Variants in ETNK1 observed in about 807,000 individuals in gnomAD.
ETNK1 encodes putative protein product of Nbla10396.
Under a neutral mutation model 45.1 loss-of-function variants are expected in ETNK1, and 8 were observed. That is an observed-to-expected ratio of 0.18 (90% confidence interval 0.10 to 0.32). The LOEUF (loss-of-function observed/expected upper bound fraction) is 0.32, where lower values mean the gene tolerates loss of function less well. Among genes scored for constraint, ETNK1 ranks in the 10% least tolerant of loss-of-function variants. The probability of loss-of-function intolerance (pLI) is 1.00; values close to 1 mark genes in which losing one functional copy is unlikely to be tolerated. For missense variants in ETNK1, 302 were observed against 430.6 expected (o/e 0.70, Z 2.64); for synonymous variants, 152 against 151.9 (o/e 1.00, Z -0.01).
Position 22,688,756 on chromosome 12 carries a change from A to T in ETNK1, c.*3802A>T, listed in dbSNP as rs919227252. 2 of 152,156 alleles carry T rather than the reference A, an allele frequency of 1.3e-5. No homozygotes were observed. The highest frequency in any genetic ancestry group is 3.0e-5 in the Non-Finnish European group (2 of 67,772). The allele number at this position is 152,156 out of a possible 1,614,324, so 9.4% of individuals were successfully genotyped here. A position where few individuals can be genotyped will look rare whatever the true frequency, so the allele number is the denominator to read the frequency against. ...GGAAAAATCATTTTAAGTATGTGGT[A>T]AAGCAGCTTCATCTTTCAAAATTGA... is the stretch of plus-strand genomic sequence containing the variant. On this transcript the variant is annotated 3_prime_UTR_variant, in exon 8 of 8. Transcript: ENST00000266517.
Position 22,685,025 on chromosome 12 carries a change from C to T in ETNK1, c.*71C>T. 2 of 1,086,304 alleles carry T rather than the reference C, an allele frequency of 1.8e-6. No homozygotes were observed. Among genetic ancestry groups the T allele is most frequent in the Admixed American group, 4.9e-5 (2 of 40,560 alleles). 67.3% of individuals were successfully genotyped at this position (1,086,304 alleles called of 1,614,324 possible). On this transcript the variant is annotated 3_prime_UTR_variant, in exon 8 of 8. Coordinates refer to ENST00000266517, the MANE Select transcript of ETNK1 (RefSeq NM_018638.5). ...TCTTTTCTTAAGAAATCCCAAAAAG[C>T]CAATATTAGTTAAAATTCTGTTGTT...
At chr12:22,652,510 C>A (rs1266620202) in intron 2 of ETNK1, among the ~76,000 whole-genome samples, 1 of 152,134 alleles carries the variant, frequency 6.6e-6, no homozygotes, top group East Asian at 1.9e-4. Context: ...TACATTCTTA[C>A]CAATAGTTAT....
intron 2 of ETNK1, among the ~76,000 whole-genome samples, chr12:22,655,708 A>G (rs917241852): frequency 6.6e-6 from 1 of 152,158 alleles, no homozygotes; most frequent in African/African-American, 2.4e-5. Context: ...GTTTAAATAG[A>G]TCAAATTTTT....
intron 3 of ETNK1, among the ~76,000 whole-genome samples, chr12:22,660,592 T>A (rs1953989766): frequency 6.6e-6 from 1 of 152,166 alleles, no homozygotes. Flanking sequence ...TTTTGACTTT[T>A]CTGAGAATTT....
At chr12:22,646,450 T>A (rs1953808122) in intron 2 of ETNK1, among the ~76,000 whole-genome samples, 1 of 151,830 alleles carries the variant, frequency 6.6e-6, no homozygotes, top group African/African-American at 2.4e-5. Context: ...TTTAGCCCCT[T>A]TTAAATGAAT....
chr12:22,676,783 A>G (rs1307872507), intron 6 of ETNK1, among the ~76,000 whole-genome samples: 2 of 151,558 alleles, frequency 1.3e-5, no homozygotes, highest in East Asian at 1.9e-4. Flanking sequence ...GCTTTTTTTC[A>G]TATGTTTGTT....
intron 1 of ETNK1, among the ~76,000 whole-genome samples, chr12:22,634,732 A>G (rs1006214101): frequency 9.9e-5 from 15 of 151,838 alleles, no homozygotes; most frequent in Non-Finnish European, 1.6e-4. Context: ...TTATTTATTT[A>G]TTTGTACAGA....
rs143697217 is a variant in ETNK1 at position 22,639,538 on chromosome 12, A to G, written c.157-4225A>G. On this transcript the variant is annotated intron_variant, in intron 1 of 7. Coordinates refer to ENST00000266517, the MANE Select transcript of ETNK1 (RefSeq NM_018638.5). ...CTAAAAATACAAAAATTAGCCAGAC[A>G]TAGTGGCAGGCACCTGTAATCCCAG... Among the ~76,000 whole-genome samples, 754 of 152,204 alleles carry G rather than the reference A, an allele frequency of 5.0e-3. 6 individuals carry two copies. The highest frequency in any genetic ancestry group is 0.02 in the East Asian group (103 of 5,170).
chr12:22,661,960 T>C (rs1592130346), intron 4 of ETNK1, among the ~76,000 whole-genome samples: 1 of 152,220 alleles, frequency 6.6e-6, no homozygotes, highest in East Asian at 1.9e-4. Context: ...CAATGCTAAA[T>C]TGAAATTTAA....
In ETNK1 at chr12:22,651,362, A is replaced by G. The variant is rs1186792003; in HGVS notation, c.416+7340A>G. Among the ~76,000 whole-genome samples, 4 of 152,342 alleles carry G rather than the reference A, an allele frequency of 2.6e-5. No homozygotes were observed. The East Asian group carries it at 7.7e-4, about 29-fold the overall frequency. ...TCCGTTGTGAACATACCTGACTTCC[A>G]GGTAGCCCTTTTCTACTGGCACAGC... On this transcript the variant is annotated intron_variant, in intron 2 of 7. Transcript: ENST00000266517.
intron 1 of ETNK1, chr12:22,626,011 C>T (rs1490427624): frequency 1.0e-5 from 4 of 389,070 alleles, no homozygotes; most frequent in East Asian, 6.9e-5. Context: ...TCTCCCCTCC[C>T]CCTGCGATGT....
At chr12:22,658,303 C>T (rs765970738) in intron 2 of ETNK1, among the ~76,000 whole-genome samples, 3 of 152,022 alleles carry the variant, frequency 2.0e-5, no homozygotes, top group Non-Finnish European at 4.4e-5. Flanking sequence ...GCGTGGGACT[C>T]CAATCTAGTT....
chr12:22,684,571 AT>A lies in ETNK1; in HGVS notation c.1019+17del. 6.7e-7 allele frequency: 1 copy of A among 1,496,588 alleles called. No homozygotes were observed. The highest frequency in any genetic ancestry group is 9.3e-7 in the Non-Finnish European group (1 of 1,077,200). The allele number at this position is 1,496,588 out of a possible 1,614,324, so 92.7% of individuals were successfully genotyped here. ...GATTTCCTTGGGTAAGTTAAATTTT[AT>A]TATATGATTACATTGGTCTCTGCTT... On this transcript the variant is annotated intron_variant, in intron 7 of 7. Coordinates refer to ENST00000266517, the MANE Select transcript of ETNK1 (RefSeq NM_018638.5).
At chr12:22,681,638 A>G (rs900983249) in intron 6 of ETNK1, among the ~76,000 whole-genome samples, 6 of 151,890 alleles carry the variant, frequency 4.0e-5, no homozygotes, top group Non-Finnish European at 8.8e-5. Context: ...AAGTATATAT[A>G]TATATTTAAA....
At chr12:22,681,035 T>TA (rs1954210488) in intron 6 of ETNK1, among the ~76,000 whole-genome samples, 1 of 152,136 alleles carries the variant, frequency 6.6e-6, no homozygotes, top group African/African-American at 2.4e-5. Context: ...TACATATCCA[T>TA]AACTTCCAAA....
rs3983448 is a variant in ETNK1 at position 22,686,851 on chromosome 12, ATTTTTTTTTTTT to A, written c.*1914_*1925del. 2.9e-5 allele frequency: 2 copies of A among 69,262 alleles called. No homozygotes were observed. The highest frequency in any genetic ancestry group is 2.8e-5 in the Non-Finnish European group (1 of 36,074). The allele number at this position is 69,262 out of a possible 1,614,324, so 4.3% of individuals were successfully genotyped here. On this transcript the variant is annotated 3_prime_UTR_variant, in exon 8 of 8. Transcript: ENST00000266517. ...AGATAAAGAATGTGTAATACTCTTA[ATTTTTTTTTTTT>A]TTTTTTTTTTTTTTTTGCTTTCTGC... is the stretch of plus-strand genomic sequence containing the variant.
chr12:22,680,628 G>A (rs1265724284), intron 6 of ETNK1, among the ~76,000 whole-genome samples: 1 of 152,138 alleles, frequency 6.6e-6, no homozygotes, highest in Non-Finnish European at 1.5e-5. Context: ...TGTCTTAAGT[G>A]CTGTTTCCTC....
intron 1 of ETNK1, among the ~76,000 whole-genome samples, chr12:22,628,664 T>C (rs1414993571): frequency 2.6e-5 from 4 of 152,112 alleles, no homozygotes; most frequent in African/African-American, 9.7e-5. Flanking sequence ...GAATTAGTGT[T>C]TGGAATATTC....
intron 1 of ETNK1, among the ~76,000 whole-genome samples, chr12:22,633,064 C>G (rs1177006131): frequency 6.6e-6 from 1 of 152,040 alleles, no homozygotes; most frequent in Non-Finnish European, 1.5e-5. Flanking sequence ...TTTTTTTGAA[C>G]ACGAATATCC....
Sources: allele counts gnomAD v4.1 joint callset (sites outside exome capture counted in the v4.1 genomes callset), GRCh38; gene constraint gnomAD v4.1.1; transcripts MANE v1.5; gene names NCBI Gene and HGNC (gene_info 2026-07-23, HGNC 2026-07-21).